The following ZNF10 variants were observed in gnomAD, a reference collection of about 807,000 sequenced individuals.
ZNF10 encodes the protein zinc finger protein 10, also known as zinc finger protein 10 (KOX 1).
A neutral mutation model predicts 12.2 loss-of-function variants in ZNF10; 8 were observed. The observed-to-expected ratio is 0.66, with a 90% CI of 0.39 to 1.18. The LOEUF (loss-of-function observed/expected upper bound fraction) is 1.18, where lower values mean the gene tolerates loss of function less well. ZNF10 is among the 50% of genes most tolerant of loss of function. The probability of loss-of-function intolerance (pLI) is 0.01; values close to 1 mark genes in which losing one functional copy is unlikely to be tolerated. For synonymous variants in ZNF10, 229 were observed against 228.2 expected, an observed-to-expected ratio of 1.00 and a Z score of -0.03; for missense variants, 603 against 678.9, an observed-to-expected ratio of 0.89 and a Z score of 1.24.
At chr12:133,145,833 A>C (rs1039923650) in intron 2 of ZNF10, among the ~76,000 whole-genome samples, 74 of 145,578 alleles carry the variant, frequency 5.1e-4, no homozygotes, top group Non-Finnish European at 3.0e-4. Context: ...AAAGAAAAAA[A>C]CAAAAAAAAC....
intron 1 of ZNF10, among the ~76,000 whole-genome samples, chr12:133,134,197 C>T (rs1050001976): frequency 6.7e-6 from 1 of 149,934 alleles, no homozygotes; most frequent in Non-Finnish European, 1.5e-5. Flanking sequence ...CCTGTAATCC[C>T]AGCTATATGG....
intron 1 of ZNF10, among the ~76,000 whole-genome samples, chr12:133,142,340 G>A (rs978861619): frequency 2.0e-5 from 3 of 148,928 alleles, no homozygotes; most frequent in African/African-American, 7.5e-5. Context: ...AACCTGGGAG[G>A]TGGAGGTTGC....
intron 2 of ZNF10, among the ~76,000 whole-genome samples, chr12:133,146,029 T>C (rs1955974387): frequency 6.6e-6 from 1 of 152,154 alleles, no homozygotes; most frequent in Non-Finnish European, 1.5e-5. Context: ...AGATAGCCAC[T>C]GAAGTTAAAA....
intron 4 of ZNF10, among the ~76,000 whole-genome samples, chr12:133,152,143 T>A (rs186732845): frequency 1.3e-5 from 2 of 152,358 alleles, no homozygotes; most frequent in African/African-American, 4.8e-5. Context: ...CTCTCCTAAT[T>A]GTTACCACTC....
At position 133,135,093 on chromosome 12, in the gene ZNF10, TA is replaced by T. The variant is rs1955903325; in HGVS notation, c.-60+4341del. ...GAAATTATTCTCATAGTTGTGTTCC[TA>T]ACATCTTAAAAAGAGCTTCTCAGGT... On this transcript the variant is annotated intron_variant, in intron 1 of 4. Transcript: ENST00000248211. Among the ~76,000 whole-genome samples, 5 of 152,330 alleles carry T rather than the reference TA, an allele frequency of 3.3e-5. No homozygotes were observed. In the South Asian group the frequency reaches 1.0e-3, roughly 32 times the overall value.
chr12:133,143,392 C>T (rs1438751599), intron 1 of ZNF10: 1 of 151,636 alleles, frequency 6.6e-6, no homozygotes, highest in Non-Finnish European at 1.5e-5. Flanking sequence ...CCAAAACCCA[C>T]TGAATACACA....
chr12:133,147,226 C>A (rs1481166583), intron 2 of ZNF10, among the ~76,000 whole-genome samples: 1 of 152,180 alleles, frequency 6.6e-6, no homozygotes, highest in Non-Finnish European at 1.5e-5. Context: ...TATACATTTG[C>A]ATACAGGTTT....
chr12:133,151,873 GGAGA>G lies in ZNF10; in HGVS notation c.230_233del (p.Arg77LysfsTer49), dbSNP rs1482285287. On this transcript the variant is annotated frameshift_variant, in exon 4 of 5. Transcript: ENST00000248211. LOFTEE classifies it low-confidence loss of function (END_TRUNC). ...AGAAGGGAGAAGAGCCCTGGCTGGT[GGAGA>G]GAGAAATTCACCAAGAGACCCATCC... is the stretch of plus-strand genomic sequence containing the variant. The G allele has an allele frequency of 6.2e-7, 1 of 1,613,494 alleles. No homozygotes were observed.
chr12:133,148,143 CAG>C (rs1955986491), intron 2 of ZNF10, among the ~76,000 whole-genome samples: 1 of 152,076 alleles, frequency 6.6e-6, no homozygotes, highest in Non-Finnish European at 1.5e-5. Context: ...TTTTTGGAGA[CAG>C]AGTCTCATTC....
At chr12:133,151,184 G>C in intron 3 of ZNF10, 30 bp downstream of exon 3, 1 of 1,598,102 alleles carries the variant, frequency 6.3e-7, no homozygotes, top group Non-Finnish European at 8.5e-7. Context: ...TGAAGATTTT[G>C]GTTCTCCATT....
At chr12:133,144,617 C>T (rs1955965357) in intron 2 of ZNF10, 92 bp downstream of exon 2, 1 of 1,290,680 alleles carries the variant, frequency 7.7e-7, no homozygotes, top group Admixed American at 2.0e-5. Flanking sequence ...ATCTTCTTCT[C>T]CAGCAGACTA....
intron 1 of ZNF10, among the ~76,000 whole-genome samples, chr12:133,141,991 C>G (rs969811485): frequency 1.8e-4 from 27 of 151,918 alleles, no homozygotes; most frequent in Non-Finnish European, 3.8e-4. Context: ...GGATTTCTTA[C>G]CAGAAATAAG....
At chr12:133,147,608 G>GTT (rs149592494) in intron 2 of ZNF10, among the ~76,000 whole-genome samples, 24,748 of 116,880 alleles carry the variant, frequency 0.21, 2,868 homozygotes, top group Non-Finnish European at 0.28. Flanking sequence ...TGTTTTCTGA[G>GTT]TTTTTTTTTT....
In ZNF10 at chr12:133,156,718, G is replaced by T. The variant is rs1956044580; in HGVS notation, c.1472G>T (p.Cys491Phe). 3 of 1,613,004 alleles carry T rather than the reference G, an allele frequency of 1.9e-6. No individual in the cohort carries two copies. The highest frequency in any genetic ancestry group is 8.5e-7 in the Non-Finnish European group (1 of 1,179,652). The part of the protein sequence containing the change: ...RIHTGEKPYE[C>F]CQCGKAFIRK... ...CACACTGGAGAGAAACCATATGAAT[G>T]CTGTCAGTGTGGGAAAGCCTTCATC... Residue 491 changes from cysteine (C) to phenylalanine (F), a missense_variant, in exon 5 of 5, where the codon TGC becomes TTC. Cys to Phe is a radical substitution (Grantham distance 205). Coordinates refer to ENST00000248211, the MANE Select transcript of ZNF10 (RefSeq NM_015394.5).
At chr12:133,133,197 G>A (rs1229001586) in intron 1 of ZNF10, among the ~76,000 whole-genome samples, 1 of 152,104 alleles carries the variant, frequency 6.6e-6, no homozygotes, top group African/African-American at 2.4e-5. Flanking sequence ...ATTGGTTACC[G>A]AGTTTTAACT....
intron 2 of ZNF10, among the ~76,000 whole-genome samples, chr12:133,147,691 C>T (rs1955984220): frequency 6.8e-6 from 1 of 147,914 alleles, no homozygotes; most frequent in Non-Finnish European, 1.5e-5. Flanking sequence ...CAGCTCACTG[C>T]AACGTTTGCC....
intron 1 of ZNF10, chr12:133,143,379 A>G (rs1409093690): frequency 6.6e-6 from 1 of 152,210 alleles, no homozygotes; most frequent in African/African-American, 2.4e-5. Context: ...ATTATATAAT[A>G]TACCAAAACC....
At chr12:133,141,345 A>G (rs770599676) in intron 1 of ZNF10, among the ~76,000 whole-genome samples, 1 of 152,226 alleles carries the variant, frequency 6.6e-6, no homozygotes, top group Non-Finnish European at 1.5e-5. Context: ...TTCACCAAGC[A>G]TGCAAAGAGA....
chr12:133,154,775 G>T (rs1956029035), intron 4 of ZNF10, among the ~76,000 whole-genome samples: 2 of 152,112 alleles, frequency 1.3e-5, no homozygotes, highest in African/African-American at 4.8e-5. Flanking sequence ...CTGCATTCAT[G>T]GTTTAAGAAT....
Sources: gnomAD v4.1 joint callset for allele counts (sites outside exome capture counted in the v4.1 genomes callset) on GRCh38, gnomAD v4.1.1 for gene constraint, MANE v1.5 for transcripts, NCBI Gene and HGNC (gene_info 2026-07-23, HGNC 2026-07-21) for gene names.